IMMP2L: variants seen among roughly 807,000 people sequenced by gnomAD.
IMMP2L encodes the protein inner mitochondrial membrane peptidase subunit 2.
IMMP2L carries 18 observed loss-of-function variants against 19.3 expected under a neutral mutation model. The ratio of observed to expected loss-of-function variants is 0.93; its 90% CI spans 0.64 to 1.38. IMMP2L has a LOEUF of 1.38. Ranked by LOEUF, IMMP2L falls within the 40% of genes most tolerant of loss-of-function variation. The probability of loss-of-function intolerance (pLI) is 0.00; values close to 1 mark genes in which losing one functional copy is unlikely to be tolerated. For synonymous variants in IMMP2L, 76 were observed against 73.0 expected (o/e 1.04, Z -0.21); for missense variants, 233 against 218.2 (o/e 1.07, Z -0.43).
chr7:110,662,691 A>T lies in IMMP2L; in HGVS notation c.*911T>A, dbSNP rs540868634. Reference sequence around the variant, plus strand: ...ATTATCCATACAAATTACAGACTCTATGATTCTACTGTAACTTTGCAATTG... The same window carrying T: ...ATTATCCATACAAATTACAGACTCTTTGATTCTACTGTAACTTTGCAATTG... On this transcript the variant is annotated 3_prime_UTR_variant, in exon 6 of 6. Coordinates refer to ENST00000405709, the MANE Select transcript of IMMP2L (RefSeq NM_032549.4). Among the ~76,000 whole-genome samples the T allele has an allele frequency of 1.3e-5, 2 of 152,374 alleles. No individual in the cohort carries two copies. The highest frequency in any genetic ancestry group is 1.3e-4 in the Admixed American group (2 of 15,308).
Position 111,213,084 on chromosome 7 carries a change from A to G in IMMP2L, c.240-249519T>C, listed in dbSNP as rs1209147693. Among the ~76,000 whole-genome samples, 1 of 152,192 alleles carries G rather than the reference A, an allele frequency of 6.6e-6. No individual in the cohort carries two copies. The highest frequency in any genetic ancestry group is 2.4e-5 in the African/African-American group (1 of 41,452). On this transcript the variant is annotated intron_variant, in intron 3 of 5. Transcript: ENST00000405709. This position sits in a 1 kb window ranked among gnomAD's most constrained non-coding sequence, Gnocchi z 4.8. ...TGCAGCCACCCAAGTGGCGGCTCCA[A>G]ACCCAGGCATTTCTACACTCTTGGA...
intron 1 of IMMP2L, among the ~76,000 whole-genome samples, chr7:111,559,840 T>G (rs1244650606): frequency 1.6e-4 from 24 of 151,998 alleles, no homozygotes; most frequent in Admixed American, 1.6e-3. Flanking sequence ...TGGCCCAAAG[T>G]GACACAGCTA....
chr7:111,489,266 A>G (rs1286839677), intron 2 of IMMP2L, among the ~76,000 whole-genome samples: 9 of 151,810 alleles, frequency 5.9e-5, no homozygotes, highest in Non-Finnish European at 1.0e-4. Flanking sequence ...GATGGTCTCA[A>G]TCTCCTGACC....
chr7:111,371,955 G>A (rs1287958989), intron 3 of IMMP2L, among the ~76,000 whole-genome samples: 2 of 151,948 alleles, frequency 1.3e-5, no homozygotes, highest in Non-Finnish European at 2.9e-5. Context: ...TCTTCAAACT[G>A]TGAAACTCAG....
intron 3 of IMMP2L, among the ~76,000 whole-genome samples, chr7:110,965,576 A>G (rs1414804716): frequency 6.6e-6 from 1 of 152,010 alleles, no homozygotes. Context: ...TCATTAATGT[A>G]CAGCTGAAGT....
chr7:111,559,437 A>G (rs1352922415), intron 1 of IMMP2L, among the ~76,000 whole-genome samples: 1 of 152,194 alleles, frequency 6.6e-6, no homozygotes, highest in Non-Finnish European at 1.5e-5. Context: ...CACTTTAAGA[A>G]TAGTGTCAGG....
intron 3 of IMMP2L, among the ~76,000 whole-genome samples, chr7:110,984,056 A>G (rs1429065051): frequency 1.3e-5 from 2 of 152,014 alleles, no homozygotes; most frequent in Non-Finnish European, 2.9e-5. Context: ...GGATTTGGAT[A>G]TGATTCAATC....
chr7:111,195,827 T>TATTTCATTTC (rs199610368), intron 3 of IMMP2L, among the ~76,000 whole-genome samples: 168 of 47,062 alleles, frequency 3.6e-3, no homozygotes, highest in East Asian at 0.013. Flanking sequence ...TATTTTATTT[T>TATTTCATTTC]ATTTCATTTC....
intron 3 of IMMP2L, among the ~76,000 whole-genome samples, chr7:111,180,770 A>C (rs1807616419): frequency 6.6e-6 from 1 of 152,142 alleles, no homozygotes; most frequent in African/African-American, 2.4e-5. Flanking sequence ...ATATTGACAA[A>C]GCCTATTTTT....
At chr7:111,381,086 C>A (rs1373845647) in intron 3 of IMMP2L, among the ~76,000 whole-genome samples, 1 of 151,946 alleles carries the variant, frequency 6.6e-6, no homozygotes, top group Admixed American at 6.6e-5. Flanking sequence ...TGCTGAAACA[C>A]CACGCGAACT....
intron 5 of IMMP2L, among the ~76,000 whole-genome samples, chr7:110,674,898 T>C (rs1042490092): frequency 6.6e-6 from 1 of 152,062 alleles, no homozygotes; most frequent in Non-Finnish European, 1.5e-5. Context: ...GTAATCCTCT[T>C]CCTTAGATCC....
chr7:111,117,534 G>C (rs1800034207), intron 3 of IMMP2L, among the ~76,000 whole-genome samples: 2 of 152,090 alleles, frequency 1.3e-5, no homozygotes, highest in African/African-American at 2.4e-5. Context: ...CATTTCCTGA[G>C]AGTTGTCATA....
intron 3 of IMMP2L, among the ~76,000 whole-genome samples, chr7:111,442,527 C>A (rs1837848386): frequency 6.6e-6 from 1 of 151,656 alleles, no homozygotes; most frequent in Admixed American, 6.6e-5. Context: ...AATGAAATCA[C>A]CCTGAAATCA....
At chr7:111,102,459 A>C (rs1417330768) in intron 3 of IMMP2L, among the ~76,000 whole-genome samples, 1 of 151,530 alleles carries the variant, frequency 6.6e-6, no homozygotes, top group Admixed American at 6.6e-5. Flanking sequence ...GTCTCTTTAG[A>C]TTGTCATTTT....
At chr7:110,821,472 A>T (rs1246936978) in intron 5 of IMMP2L, among the ~76,000 whole-genome samples, 2 of 151,934 alleles carry the variant, frequency 1.3e-5, no homozygotes, top group African/African-American at 2.4e-5. Context: ...TCACAGATAT[A>T]AAAAAAATGT....
intron 3 of IMMP2L, among the ~76,000 whole-genome samples, chr7:111,062,748 T>C (rs1445051119): frequency 6.6e-6 from 1 of 152,162 alleles, no homozygotes; most frequent in Non-Finnish European, 1.5e-5. Context: ...AAGTTCAAAA[T>C]CCAGCAGAGC....
chr7:111,203,469 G>C (rs1424910223), intron 3 of IMMP2L, among the ~76,000 whole-genome samples: 10 of 151,838 alleles, frequency 6.6e-5, no homozygotes. Context: ...CTTTAAATAA[G>C]GCAGTCAGAA....
intron 5 of IMMP2L, among the ~76,000 whole-genome samples, chr7:110,735,347 G>C (rs974383812): frequency 6.6e-6 from 1 of 152,014 alleles, no homozygotes; most frequent in Non-Finnish European, 1.5e-5. Flanking sequence ...GTAGCAGAGA[G>C]CTATTCTCTT....
intron 3 of IMMP2L, among the ~76,000 whole-genome samples, chr7:111,373,945 GT>G (rs147463049): frequency 2.0e-5 from 3 of 151,900 alleles, no homozygotes; most frequent in Non-Finnish European, 2.9e-5. Context: ...GTTGAGGTGG[GT>G]TTTTTTCCCC....
Sources: gnomAD v4.1 joint callset for allele counts (sites outside exome capture counted in the v4.1 genomes callset) on GRCh38, gnomAD v4.1.1 for gene constraint, Gnocchi (gnomAD v3.1) non-coding constraint, MANE v1.5 for transcripts, NCBI Gene and HGNC (gene_info 2026-07-23, HGNC 2026-07-21) for gene names.